TMEM272: variants seen among roughly 807,000 people sequenced by gnomAD.
The protein encoded by TMEM272 is long intergenic non-protein coding RNA 282.
In TMEM272, 8 loss-of-function variants were observed where a neutral mutation model predicts 3.7. The ratio of observed to expected loss-of-function variants is 2.17; its 90% CI spans 1.27 to 3.91. The LOEUF is 3.91. TMEM272 is among the 30% of genes most tolerant of loss of function. The pLI, the probability that TMEM272 is intolerant of heterozygous loss-of-function variation, is 0.00. For synonymous variants in TMEM272, 63 were observed against 39.8 expected (o/e 1.58, Z -2.20); for missense variants, 166 against 91.5 (o/e 1.81, Z -3.32).
the TMEM272 span, among the ~76,000 whole-genome samples, chr13:51,872,096 C>T: frequency 9.0e-4 from 137 of 152,238 alleles, no homozygotes; most frequent in African/African-American, 2.5e-3. Flanking sequence ...TTTTGGAAAG[C>T]CTCTAATATG....
the TMEM272 span, among the ~76,000 whole-genome samples, chr13:51,899,662 A>G: frequency 6.6e-6 from 1 of 152,240 alleles, no homozygotes; most frequent in Non-Finnish European, 1.5e-5. Context: ...TAAAGTTAAT[A>G]TAAAAATGCA....
chr13:51,833,192 A>T (rs371276292), intron 2 of TMEM272, among the ~76,000 whole-genome samples: 2 of 152,282 alleles, frequency 1.3e-5, no homozygotes, highest in South Asian at 2.1e-4. Flanking sequence ...GGGAGTGGCA[A>T]ATCATGAAAT....
the TMEM272 span, among the ~76,000 whole-genome samples, chr13:51,866,546 G>A: frequency 6.6e-6 from 1 of 152,204 alleles, no homozygotes; most frequent in Non-Finnish European, 1.5e-5. Context: ...CAGCATTCCA[G>A]TAAAGGCCTC....
chr13:51,933,326 T>C, the TMEM272 span: 5 of 152,188 alleles, frequency 3.3e-5, no homozygotes, highest in Admixed American at 2.6e-4. Flanking sequence ...GCCTGTAAAA[T>C]GTGGACAGTA....
At chr13:51,835,272 G>A (rs1158195440) in intron 2 of TMEM272, among the ~76,000 whole-genome samples, 1 of 149,764 alleles carries the variant, frequency 6.7e-6, no homozygotes, top group African/African-American at 2.5e-5. Flanking sequence ...CACCAGGCTA[G>A]AGTGTGCAGT....
At chr13:51,856,741 C>A in the TMEM272 span, among the ~76,000 whole-genome samples, 1 of 152,188 alleles carries the variant, frequency 6.6e-6, no homozygotes, top group Non-Finnish European at 1.5e-5. Flanking sequence ...AAGGCAAAGT[C>A]TTAAATTAAC....
chr13:51,891,870 G>A, the TMEM272 span, among the ~76,000 whole-genome samples: 1 of 152,160 alleles, frequency 6.6e-6, no homozygotes, highest in Non-Finnish European at 1.5e-5. Context: ...GGGTTGGAGG[G>A]GGGCAAGGGC....
the TMEM272 span, among the ~76,000 whole-genome samples, chr13:51,874,054 G>A: frequency 6.6e-6 from 1 of 152,200 alleles, no homozygotes; most frequent in Non-Finnish European, 1.5e-5. Flanking sequence ...AGAGAAAGAT[G>A]CCATATGAAA....
the TMEM272 span, chr13:51,865,945 T>C: frequency 1.2e-6 from 2 of 1,613,874 alleles, no homozygotes; most frequent in Non-Finnish European, 1.7e-6. Flanking sequence ...AGGAAGAGAA[T>C]GCCCTCTGGG....
chr13:51,898,091 C>T, the TMEM272 span, among the ~76,000 whole-genome samples: 3 of 151,852 alleles, frequency 2.0e-5, 1 homozygote, highest in South Asian at 4.2e-4. Flanking sequence ...GGCTTGGTGG[C>T]GTGCACCTGT....
the TMEM272 span, among the ~76,000 whole-genome samples, chr13:51,886,734 T>C: frequency 6.6e-6 from 1 of 152,182 alleles, no homozygotes; most frequent in African/African-American, 2.4e-5. Flanking sequence ...TCTTAGTAAG[T>C]TCCCAATTAC....
At chr13:51,843,248 A>G (rs1407754217) in intron 1 of TMEM272, among the ~76,000 whole-genome samples, 1 of 152,206 alleles carries the variant, frequency 6.6e-6, no homozygotes, top group Non-Finnish European at 1.5e-5. Context: ...ATTCAGAGGA[A>G]GCCCACAAAG....
chr13:51,872,444 C>T, the TMEM272 span, among the ~76,000 whole-genome samples: 1 of 152,018 alleles, frequency 6.6e-6, no homozygotes, highest in Non-Finnish European at 1.5e-5. Context: ...ATCCTCCACA[C>T]ACTGAGATCA....
chr13:51,870,059 C>T, the TMEM272 span, among the ~76,000 whole-genome samples: 4 of 152,166 alleles, frequency 2.6e-5, no homozygotes, highest in Admixed American at 6.5e-5. Flanking sequence ...GCTTCTTAGT[C>T]TTTATGGTGG....
At chr13:51,856,757 G>C in the TMEM272 span, among the ~76,000 whole-genome samples, 1 of 152,158 alleles carries the variant, frequency 6.6e-6, no homozygotes, top group Non-Finnish European at 1.5e-5. Flanking sequence ...TTAACATCGG[G>C]TAGAATTTTA....
At chr13:51,905,413 T>C in the TMEM272 span, among the ~76,000 whole-genome samples, 2 of 152,204 alleles carry the variant, frequency 1.3e-5, no homozygotes, top group African/African-American at 4.8e-5. Context: ...TGCCACTGTC[T>C]TCCTGAGGCC....
rs902044701 is a variant in TMEM272 at position 51,814,848 on chromosome 13, C to T, written c.*1903G>A. The T allele has an allele frequency of 6.6e-6, 1 of 152,470 alleles. No individual in the cohort carries two copies. Among genetic ancestry groups the T allele is most frequent in the Non-Finnish European group, 1.5e-5 (1 of 68,080 alleles). 9.4% of individuals were successfully genotyped at this position (152,470 alleles called of 1,614,324 possible). On this transcript the variant is annotated 3_prime_UTR_variant, in exon 5 of 5. Transcript: ENST00000629372. ...GATGTATCCAAAGCACTAACCAGTA[C>T]CTGCCATCTGCTAACAGAAATCTTC...
At chr13:51,828,913 G>T (rs971639773) in intron 2 of TMEM272, among the ~76,000 whole-genome samples, 1 of 152,184 alleles carries the variant, frequency 6.6e-6, no homozygotes, top group Admixed American at 6.5e-5. Context: ...TTCAGATGCA[G>T]ACAGAAGGCA....
chr13:51,868,989 G>C, the TMEM272 span, among the ~76,000 whole-genome samples: 2 of 152,170 alleles, frequency 1.3e-5, no homozygotes, highest in East Asian at 3.8e-4. Flanking sequence ...AAATATTTTT[G>C]AAATGCAGTG....
Sources: allele counts gnomAD v4.1 joint callset (sites outside exome capture counted in the v4.1 genomes callset), GRCh38; gene constraint gnomAD v4.1.1; transcripts MANE v1.5; gene names NCBI Gene and HGNC (gene_info 2026-07-23, HGNC 2026-07-21).